The following KLRD1 variants were observed in gnomAD, a reference collection of about 807,000 sequenced individuals.
The protein encoded by KLRD1 is natural killer cells antigen CD94.
A neutral mutation model predicts 22.6 loss-of-function variants in KLRD1; 21 were observed. That is an observed-to-expected ratio of 0.93 (90% confidence interval 0.66 to 1.34). The LOEUF (loss-of-function observed/expected upper bound fraction) is 1.34. Among genes scored for constraint, KLRD1 ranks in the 40% most tolerant of loss-of-function variants. The probability of loss-of-function intolerance (pLI) is 0.00; values close to 1 mark genes in which losing one functional copy is unlikely to be tolerated. For synonymous variants in KLRD1, 59 were observed against 71.1 expected (o/e 0.83, Z 0.85); for missense variants, 183 against 208.6 (o/e 0.88, Z 0.76).
Position 10,327,965 on chromosome 12 carries a change from A to C in KLRD1, c.*13172A>C, listed in dbSNP as rs1464898746. On this transcript the variant is annotated 3_prime_UTR_variant, in exon 6 of 6. Transcript: ENST00000336164. ...TTCTATTAATGTGGTATATTACATT[A>C]ATTGATTTTGTATGTTAGGCTATCC... The C allele has an allele frequency of 6.6e-6, 1 of 152,134 alleles. No individual in the cohort carries two copies. The highest frequency in any genetic ancestry group is 1.5e-5 in the Non-Finnish European group (1 of 67,998). 9.4% of individuals were successfully genotyped at this position (152,134 alleles called of 1,614,324 possible).
At chr12:10,311,224 G>A (rs754719540) in intron 3 of KLRD1, among the ~76,000 whole-genome samples, 44 of 151,926 alleles carry the variant, frequency 2.9e-4, no homozygotes, top group Non-Finnish European at 2.2e-4. Flanking sequence ...ACTAAATATC[G>A]TTAATAAATT....
chr12:10,310,762 G>A (rs928855663), intron 3 of KLRD1, among the ~76,000 whole-genome samples: 1 of 152,066 alleles, frequency 6.6e-6, no homozygotes, highest in Admixed American at 6.6e-5. Context: ...TCCAGCCTGG[G>A]CAACACAGCA....
chr12:10,253,875 T>G (rs1180167808), intron 1 of KLRD1, among the ~76,000 whole-genome samples: 1 of 152,304 alleles, frequency 6.6e-6, no homozygotes, highest in Non-Finnish European at 1.5e-5. Flanking sequence ...GCTGCAGTTA[T>G]CATTCACATG....
chr12:10,269,674 C>T (rs917881606), intron 1 of KLRD1, among the ~76,000 whole-genome samples: 2 of 151,896 alleles, frequency 1.3e-5, no homozygotes, highest in African/African-American at 4.8e-5. Context: ...TAAAATAGTT[C>T]ACTTTGAGAT....
intron 1 of KLRD1, among the ~76,000 whole-genome samples, chr12:10,246,102 T>C (rs903007159): frequency 6.6e-6 from 1 of 152,188 alleles, no homozygotes; most frequent in Non-Finnish European, 1.5e-5. Context: ...TTTTATAATA[T>C]CCCTAGGATT....
intron 1 of KLRD1, among the ~76,000 whole-genome samples, chr12:10,298,371 T>C (rs66996903): frequency 0.047 from 7,175 of 152,342 alleles, 287 homozygotes; most frequent in East Asian, 0.15. Context: ...TTAAAGTTTT[T>C]TCTTAATTAT....
chr12:10,298,362 T>A (rs1719703154), intron 1 of KLRD1, among the ~76,000 whole-genome samples: 1 of 152,254 alleles, frequency 6.6e-6, no homozygotes, highest in African/African-American at 2.4e-5. Context: ...CTTGGAGATT[T>A]AAAGTTTTTT....
At chr12:10,306,853 C>A (rs942259155), upstream of KLRD1, among the ~76,000 whole-genome samples, 11 of 152,076 alleles carry the variant, frequency 7.2e-5, no homozygotes, top group Non-Finnish European at 1.6e-4. Flanking sequence ...TCAAAGTAGT[C>A]TTTTCTTTCA....
chr12:10,242,683 T>G (rs1239426196), intron 1 of KLRD1, among the ~76,000 whole-genome samples: 1 of 152,202 alleles, frequency 6.6e-6, no homozygotes, highest in Non-Finnish European at 1.5e-5. Context: ...TTCCCTTTTC[T>G]CCACAGCCTC....
chr12:10,243,621 A>AC (rs1381116906), intron 1 of KLRD1, among the ~76,000 whole-genome samples: 1 of 149,658 alleles, frequency 6.7e-6, no homozygotes, highest in Non-Finnish European at 1.5e-5. Context: ...AAAAAAAAAA[A>AC]AAAAAAAAAA....
At position 10,318,866 on chromosome 12, in the gene KLRD1, A is replaced by T. The variant is rs1747441403; in HGVS notation, c.*4073A>T. ...TCTCCAAAAAAAAAAAAAAAAAAAA[A>T]GCTTTTCATAAGTATGCTCATTAGA... On this transcript the variant is annotated 3_prime_UTR_variant, in exon 6 of 6. Coordinates refer to ENST00000336164, the MANE Select transcript of KLRD1 (RefSeq NM_002262.5). 1 of 151,500 alleles carries T rather than the reference A, an allele frequency of 6.6e-6. No homozygotes were observed. The highest frequency in any genetic ancestry group is 2.1e-4 in the South Asian group (1 of 4,798). The allele number at this position is 151,500 out of a possible 1,614,324, so 9.4% of individuals were successfully genotyped here.
intron 1 of KLRD1, among the ~76,000 whole-genome samples, chr12:10,285,973 A>G (rs117460303): frequency 0.017 from 2,529 of 152,276 alleles, 39 homozygotes; most frequent in Non-Finnish European, 0.024. Context: ...CTTTTTGCCC[A>G]GGTAAATTGC....
chr12:10,258,635 C>T (rs1296395488), intron 1 of KLRD1, among the ~76,000 whole-genome samples: 1 of 151,998 alleles, frequency 6.6e-6, no homozygotes, highest in Non-Finnish European at 1.5e-5. Flanking sequence ...AAGAATCAAC[C>T]ACCACTAAGT....
chr12:10,256,869 C>G (rs1208130509), intron 1 of KLRD1, among the ~76,000 whole-genome samples: 1 of 151,894 alleles, frequency 6.6e-6, no homozygotes, highest in African/African-American at 2.4e-5. Flanking sequence ...CTCTCTCTAG[C>G]TTTTCTCTTA....
chr12:10,261,996 A>C lies in KLRD1; in HGVS notation c.-101+35763A>C, dbSNP rs1043815683. ...TCCCCCATTGTTAGCCAACATTTGA[A>C]ATTTCTTATATTTGCATTTACTTCT... On this transcript the variant is annotated intron_variant, in intron 1 of 5. Coordinates refer to the KLRD1 transcript ENST00000544747. Among the ~76,000 whole-genome samples the C allele has an allele frequency of 2.6e-5, 4 of 152,164 alleles. No homozygotes were observed. The East Asian group carries it at 7.7e-4, about 29-fold the overall frequency.
At chr12:10,267,879 A>G (rs1056924230) in intron 1 of KLRD1, among the ~76,000 whole-genome samples, 2 of 152,204 alleles carry the variant, frequency 1.3e-5, no homozygotes, top group African/African-American at 2.4e-5. Context: ...GTTACATTCA[A>G]TGAACTAAAA....
chr12:10,293,170 A>ATATATATATATG (rs1555107039), intron 1 of KLRD1, among the ~76,000 whole-genome samples: 1 of 126,404 alleles, frequency 7.9e-6, no homozygotes, highest in Non-Finnish European at 1.7e-5. Flanking sequence ...ATATATATAC[A>ATATATATATATG]CATATACACA....
In KLRD1 at chr12:10,319,865, CT is replaced by C. The variant is rs750763577; in HGVS notation, c.*5092del. The C allele has an allele frequency of 2.6e-3, 303 of 116,882 alleles. No homozygotes were observed. The highest frequency in any genetic ancestry group is 4.9e-3 in the African/African-American group (152 of 30,904). The allele number at this position is 116,882 out of a possible 1,614,324, so 7.2% of individuals were successfully genotyped here. ...TGTGTGAAATAGTAAAGTGTTTATT[CT>C]TTTTTTTTTTTTTTTTTTTGACAGA... On this transcript the variant is annotated 3_prime_UTR_variant, in exon 6 of 6. Coordinates refer to ENST00000336164, the MANE Select transcript of KLRD1 (RefSeq NM_002262.5).
At chr12:10,309,529 T>C in intron 2 of KLRD1, 49 bp downstream of exon 2, 1 of 1,290,638 alleles carries the variant, frequency 7.7e-7, no homozygotes, top group Non-Finnish European at 1.1e-6. Context: ...TGTGAAGACA[T>C]CATTTAATAA....
Sources: gnomAD v4.1 joint callset for allele counts (sites outside exome capture counted in the v4.1 genomes callset) on GRCh38, gnomAD v4.1.1 for gene constraint, MANE v1.5 for transcripts, NCBI Gene and HGNC (gene_info 2026-07-23, HGNC 2026-07-21) for gene names.